The following ADAMTS6 variants were observed in gnomAD, a reference collection of about 807,000 sequenced individuals.
ADAMTS6 encodes the protein A disintegrin and metalloproteinase with thrombospondin motifs 6.
ADAMTS6 carries 23 observed loss-of-function variants against 144.3 expected under a neutral mutation model. That is an observed-to-expected ratio of 0.16 (90% CI 0.11 to 0.23). The LOEUF (loss-of-function observed/expected upper bound fraction) is 0.23, where lower values mean the gene tolerates loss of function less well. ADAMTS6 is among the 10% of genes least tolerant of loss of function. The pLI, the probability that ADAMTS6 is intolerant of heterozygous loss-of-function variation, is 1.00. For missense variants in ADAMTS6, 999 were observed against 1,379.6 expected, an observed-to-expected ratio of 0.72 and a Z score of 4.37; for synonymous variants, 444 against 457.5, an observed-to-expected ratio of 0.97 and a Z score of 0.38.
chr5:65,252,407 A>G (rs1760255545), intron 14 of ADAMTS6, among the ~76,000 whole-genome samples: 1 of 151,120 alleles, frequency 6.6e-6, no homozygotes, highest in African/African-American at 2.4e-5. Context: ...ACGCCCGGCT[A>G]ATTTTTTGTA....
intron 15 of ADAMTS6, among the ~76,000 whole-genome samples, chr5:65,230,694 TATGTATGAAATATATATA>T (rs1758142275): frequency 6.6e-5 from 6 of 90,330 alleles, no homozygotes; most frequent in Non-Finnish European, 1.3e-4. Flanking sequence ...ATATAACACA[TATGTATGAAATATATATA>T]ACACATATGT....
Position 65,270,170 on chromosome 5 carries a change from A to C in ADAMTS6, c.1620+3170T>G, listed in dbSNP as rs143590107. Among the ~76,000 whole-genome samples, 30 of 152,308 alleles carry C rather than the reference A, an allele frequency of 2.0e-4. 1 individual carries two copies. The East Asian group carries it at 3.1e-3, about 16-fold the overall frequency. ...TCAATTATTTTTAGATGGCAAGTAT[A>C]CAAACTAACCACAGAAAGTTGACCA... On this transcript the variant is annotated intron_variant, in intron 12 of 24. Transcript: ENST00000381055.
chr5:65,225,995 T>TA (rs1438783792), intron 16 of ADAMTS6, 91 bp downstream of exon 16: 60 of 1,345,072 alleles, frequency 4.5e-5, no homozygotes, highest in Admixed American at 2.9e-4. Flanking sequence ...CCCCTTTTTT[T>TA]AAAAAATTAA....
chr5:65,376,922 A>C (rs1267607861), intron 7 of ADAMTS6, among the ~76,000 whole-genome samples: 1 of 152,112 alleles, frequency 6.6e-6, no homozygotes, highest in Non-Finnish European at 1.5e-5. Flanking sequence ...GTTATGTAAA[A>C]TGTTTGGTAA....
chr5:65,184,261 T>A (rs1292976740), intron 22 of ADAMTS6, among the ~76,000 whole-genome samples: 1 of 152,212 alleles, frequency 6.6e-6, no homozygotes, highest in Non-Finnish European at 1.5e-5. Context: ...GGAAAACAAT[T>A]TGGCCCTCAC....
chr5:65,393,119 A>T (rs1353909990), intron 7 of ADAMTS6, among the ~76,000 whole-genome samples: 1 of 152,200 alleles, frequency 6.6e-6, no homozygotes, highest in Admixed American at 6.5e-5. Context: ...ATTATTTACC[A>T]AAACTATCCT....
intron 4 of ADAMTS6, among the ~76,000 whole-genome samples, chr5:65,457,916 G>A (rs570318609): frequency 5.9e-5 from 9 of 151,404 alleles, no homozygotes; most frequent in Admixed American, 3.9e-4. Flanking sequence ...TAGTAGAGAC[G>A]GGGTTTCACC....
intron 24 of ADAMTS6, among the ~76,000 whole-genome samples, chr5:65,168,018 TG>T (rs1753306728): frequency 6.8e-6 from 1 of 148,008 alleles, no homozygotes; most frequent in Admixed American, 6.8e-5. Context: ...AACATAGTGT[TG>T]GAAGTTCTGG....
chr5:65,384,706 C>T (rs995403370), intron 7 of ADAMTS6, among the ~76,000 whole-genome samples: 1 of 152,176 alleles, frequency 6.6e-6, no homozygotes, highest in African/African-American at 2.4e-5. Context: ...CAGCTATGTA[C>T]CACAAAACTT....
intron 20 of ADAMTS6, among the ~76,000 whole-genome samples, chr5:65,212,178 C>A (rs566573820): frequency 5.9e-5 from 9 of 152,206 alleles, no homozygotes; most frequent in Non-Finnish European, 1.3e-4. Flanking sequence ...GATGTTGATG[C>A]TGCTGGCGGG....
chr5:65,172,684 G>A, intron 23 of ADAMTS6, 148 bp downstream of exon 23: 1 of 899,898 alleles, frequency 1.1e-6, no homozygotes, highest in Non-Finnish European at 1.6e-6. Flanking sequence ...TGTGGTTTGT[G>A]CACTGTTTCA....
intron 20 of ADAMTS6, chr5:65,210,766 G>A: frequency 1.6e-6 from 1 of 624,800 alleles, no homozygotes; most frequent in Non-Finnish European, 3.0e-6. Context: ...GGAGGAAGAT[G>A]AAGATGCTTA....
At chr5:65,430,214 G>A (rs1413005166) in intron 7 of ADAMTS6, among the ~76,000 whole-genome samples, 1 of 150,550 alleles carries the variant, frequency 6.6e-6, no homozygotes, top group Admixed American at 6.6e-5. Flanking sequence ...TTGAAGGGCT[G>A]AGATATAAGA....
chr5:65,315,155 A>G (rs1408748655), intron 9 of ADAMTS6, among the ~76,000 whole-genome samples: 1 of 152,126 alleles, frequency 6.6e-6, no homozygotes, highest in Admixed American at 6.5e-5. Context: ...GAAGGACAGC[A>G]ATGTCATAAG....
intron 21 of ADAMTS6, among the ~76,000 whole-genome samples, chr5:65,195,819 C>T (rs1036459244): frequency 6.6e-6 from 1 of 152,198 alleles, no homozygotes; most frequent in Non-Finnish European, 1.5e-5. Context: ...AGGAAGATAA[C>T]AGTTCATCCA....
intron 14 of ADAMTS6, among the ~76,000 whole-genome samples, chr5:65,244,341 A>T (rs1399800340): frequency 1.3e-5 from 2 of 152,152 alleles, no homozygotes; most frequent in Non-Finnish European, 2.9e-5. Context: ...AAGACCTTGA[A>T]TTAAAAAACT....
intron 7 of ADAMTS6, among the ~76,000 whole-genome samples, chr5:65,431,189 G>A (rs905583550): frequency 4.6e-5 from 7 of 151,832 alleles, no homozygotes; most frequent in East Asian, 3.9e-4. Context: ...CAGTCTTTCC[G>A]CTGCAGCCAT....
At chr5:65,358,124 A>C (rs2150100174) in intron 7 of ADAMTS6, among the ~76,000 whole-genome samples, 1 of 152,120 alleles carries the variant, frequency 6.6e-6, no homozygotes. Context: ...TAAAAGGATC[A>C]TTCACCATGA....
chr5:65,250,453 C>CA (rs1279364674), intron 14 of ADAMTS6, among the ~76,000 whole-genome samples: 7 of 152,134 alleles, frequency 4.6e-5, no homozygotes, highest in Admixed American at 1.3e-4. Flanking sequence ...TTAGGCAATG[C>CA]ATTGAAAAGG....
Sources: gnomAD v4.1 joint callset for allele counts (sites outside exome capture counted in the v4.1 genomes callset) on GRCh38, gnomAD v4.1.1 for gene constraint, MANE v1.5 for transcripts, NCBI Gene and HGNC (gene_info 2026-07-23, HGNC 2026-07-21) for gene names.